Variants in PHF3 observed in about 807,000 individuals in gnomAD.
PHF3 encodes PHD finger protein 3.
A neutral mutation model predicts 178.4 loss-of-function variants in PHF3; 41 were observed. The observed-to-expected ratio is 0.23, with a 90% CI of 0.18 to 0.30. The LOEUF is 0.30. Ranked by LOEUF, PHF3 falls within the 10% of genes least tolerant of loss-of-function variation. The pLI is 1.00. For synonymous variants in PHF3, 842 were observed against 800.5 expected (o/e 1.05, Z -0.88); for missense variants, 2,346 against 2,398.1 (o/e 0.98, Z 0.45).
intron 1 of PHF3, among the ~76,000 whole-genome samples, chr6:63,644,505 T>G (rs1353864821): frequency 1.3e-5 from 2 of 152,198 alleles, no homozygotes; most frequent in Non-Finnish European, 2.9e-5. Context: ...AAGGAACTTG[T>G]CCTGAGTTTT....
Position 63,723,536 on chromosome 6 carries a change from G to T in PHF3, c.*9828G>T, listed in dbSNP as rs1012101383. Among the ~76,000 whole-genome samples the T allele has an allele frequency of 2.6e-5, 4 of 151,972 alleles. No individual in the cohort carries two copies. Among genetic ancestry groups the T allele is most frequent in the African/African-American group, 7.2e-5 (3 of 41,388 alleles). The stretch of plus-strand genomic sequence containing the variant: ...TTAGAATAAAAAATATCTAAGAAAT[G>T]ATTAGGAAAGCTGAAGCTGTGATCT... On this transcript the variant is annotated 3_prime_UTR_variant, in exon 16 of 16. Coordinates refer to ENST00000262043, the MANE Select transcript of PHF3 (RefSeq NM_001370348.2).
chr6:63,649,473 C>T (rs1156637559), intron 2 of PHF3, among the ~76,000 whole-genome samples: 1 of 152,076 alleles, frequency 6.6e-6, no homozygotes, highest in African/African-American at 2.4e-5. Context: ...TATTTTGTAA[C>T]CTTAGTGCTA....
intron 2 of PHF3, among the ~76,000 whole-genome samples, chr6:63,654,690 A>G (rs1330057970): frequency 6.6e-6 from 1 of 152,140 alleles, no homozygotes; most frequent in African/African-American, 2.4e-5. Flanking sequence ...AATAAAAGGG[A>G]AAGACCTAGG....
At chr6:63,643,932 A>G (rs1764678632) in intron 1 of PHF3, among the ~76,000 whole-genome samples, 1 of 152,200 alleles carries the variant, frequency 6.6e-6, no homozygotes, top group Non-Finnish European at 1.5e-5. Context: ...GCTCCTTTAG[A>G]TGACTAGTTA....
rs1360034065 is a variant in PHF3, at chr6:63,712,894, A to G, written c.5306A>G (p.Asn1769Ser). The G allele has an allele frequency of 6.2e-7, 1 of 1,613,926 alleles. No homozygotes were observed. Reference protein sequence around the residue: ...AVATSHFEVGNTCPSEFPSKS... With the variant: ...AVATSHFEVGSTCPSEFPSKS... The stretch of plus-strand genomic sequence containing the variant: ...GCGACATCTCATTTTGAAGTTGGAA[A>G]CACATGTCCATCAGAATTTCCTTCT... Residue 1769 changes from asparagine (N) to serine (S), a missense_variant, in exon 16 of 16, where the codon AAC becomes AGC. Around this residue, in one of 8 missense-constraint regions of PHF3, gnomAD observed 839 missense variants for 806.9 expected, o/e 1.04. Transcript: ENST00000262043.
rs1198384125 is a variant in PHF3, at chr6:63,716,287, A to G, written c.*2579A>G. ...TTCTCTAAAGTCCATGTGCTTAGCA[A>G]TTGTGCTCTGAGAATTGAGAATGAG... On this transcript the variant is annotated 3_prime_UTR_variant, in exon 16 of 16. Coordinates refer to ENST00000262043, the MANE Select transcript of PHF3 (RefSeq NM_001370348.2). 2.6e-5 allele frequency among the ~76,000 whole-genome samples: 4 copies of G among 152,262 alleles called. No individual in the cohort carries two copies. Among genetic ancestry groups the G allele is most frequent in the South Asian group, 2.1e-4 (1 of 4,832 alleles).
At chr6:63,636,241 C>T (rs1298056052) in intron 1 of PHF3, 91 bp downstream of exon 1, 1 of 302,660 alleles carries the variant, frequency 3.3e-6, no homozygotes, top group African/African-American at 2.2e-5. Context: ...GCGGGCCTCT[C>T]CGCCCCTCCC....
In PHF3 at chr6:63,725,966, A is replaced by G. The variant is rs1364110613; in HGVS notation, c.*12258A>G. Among the ~76,000 whole-genome samples the G allele has an allele frequency of 2.6e-5, 4 of 152,176 alleles. No individual in the cohort carries two copies. The highest frequency in any genetic ancestry group is 9.6e-5 in the African/African-American group (4 of 41,464). ...TTTGGAGAAATGAATGAAAATGGAT[A>G]TCAAGGGTAAAGTAAAACCTAAAAA... On this transcript the variant is annotated 3_prime_UTR_variant, in exon 16 of 16. Coordinates refer to ENST00000262043, the MANE Select transcript of PHF3 (RefSeq NM_001370348.2).
chr6:63,709,036 A>C, intron 13 of PHF3, 115 bp from the exon 14 acceptor site: 1 of 550,576 alleles, frequency 1.8e-6, no homozygotes, highest in Non-Finnish European at 3.1e-6. Context: ...CTCTTTATTT[A>C]CTTGTTTTTA....
At chr6:63,696,268 A>G (rs1767224324) in intron 6 of PHF3, among the ~76,000 whole-genome samples, 1 of 152,208 alleles carries the variant, frequency 6.6e-6, no homozygotes, top group African/African-American at 2.4e-5. Context: ...TAGCTACAGG[A>G]GAGTTTGACA....
chr6:63,686,305 TATGAAGGTC>T (rs559468998), intron 4 of PHF3: 24 of 166,890 alleles, frequency 1.4e-4, no homozygotes, highest in Non-Finnish European at 2.8e-4. Flanking sequence ...AGTAATAAAG[TATGAAGGTC>T]ATAATGGAAA....
rs1768143208 is a variant in PHF3, at chr6:63,715,066, A to AG, written c.*1358_*1359insG. ...CCTGTATTAATGAAGAAAAATATAA[A>AG]TAATTCCACAAAATTGATTGTTTTC... On this transcript the variant is annotated 3_prime_UTR_variant, in exon 16 of 16. Transcript: ENST00000262043. The AG allele has an allele frequency of 6.6e-6, 1 of 152,150 alleles. No individual in the cohort carries two copies. Among genetic ancestry groups the AG allele is most frequent in the East Asian group, 1.9e-4 (1 of 5,198 alleles). 9.4% of individuals were successfully genotyped at this position (152,150 alleles called of 1,614,324 possible).
rs114262609 is a variant in PHF3 at position 63,692,818 on chromosome 6, T to G, written c.2496+775T>G. On this transcript the variant is annotated intron_variant, in intron 5 of 15. Coordinates refer to ENST00000262043, the MANE Select transcript of PHF3 (RefSeq NM_001370348.2). ...TACATCTTCATTTTTAAGCATCTAATTGTCAGAAAGTTGATCAGTTTGAGC... is the reference window on the plus strand; with the variant it reads ...TACATCTTCATTTTTAAGCATCTAAGTGTCAGAAAGTTGATCAGTTTGAGC... Among the ~76,000 whole-genome samples, 1,383 of 152,316 alleles carry G rather than the reference T, an allele frequency of 9.1e-3. 19 individuals carry two copies. The highest frequency in any genetic ancestry group is 0.031 in the African/African-American group (1,290 of 41,566).
In PHF3 at chr6:63,684,955, G is replaced by A. The variant is rs779233451; in HGVS notation, c.1233G>A (p.Leu411=). 1 of 1,613,938 alleles carries A rather than the reference G, an allele frequency of 6.2e-7. No individual in the cohort carries two copies. Among genetic ancestry groups the A allele is most frequent in the Admixed American group, 1.7e-5 (1 of 60,030 alleles). ...AAGATGCGGAGTCTAATAGGCAGTTGGAGAGCACTGAGTTTAATAAATCAA... is the reference window on the plus strand; with the variant it reads ...AAGATGCGGAGTCTAATAGGCAGTTAGAGAGCACTGAGTTTAATAAATCAA... ...YCEDAESNRQ[L]ESTEFNKSNL... The change falls in exon 4 of 16, where the codon TTG becomes TTA. Residue 411 remains leucine (L), a synonymous_variant. Transcript: ENST00000262043.
At chr6:63,639,668 A>G (rs944995632) in intron 1 of PHF3, among the ~76,000 whole-genome samples, 6 of 152,152 alleles carry the variant, frequency 3.9e-5, no homozygotes, top group Non-Finnish European at 5.9e-5. Context: ...CAAATTATGT[A>G]ATTATCTAGG....
intron 2 of PHF3, among the ~76,000 whole-genome samples, chr6:63,676,588 C>CT (rs1333354678): frequency 6.6e-6 from 1 of 152,128 alleles, no homozygotes; most frequent in Non-Finnish European, 1.5e-5. Context: ...GCCAGTGTGA[C>CT]TGGAGGAGAG....
At position 63,693,145 on chromosome 6, in the gene PHF3, C is replaced by T. The variant is rs143372188; in HGVS notation, c.2496+1102C>T. On this transcript the variant is annotated intron_variant, in intron 5 of 15. Coordinates refer to ENST00000262043, the MANE Select transcript of PHF3 (RefSeq NM_001370348.2). Reference sequence around the variant, plus strand: ...CATCAAAGTAATTGATAATATGGATCTGAGAGCCACAATGAGAACAGTTTA... The same window carrying T: ...CATCAAAGTAATTGATAATATGGATTTGAGAGCCACAATGAGAACAGTTTA... Among the ~76,000 whole-genome samples the T allele has an allele frequency of 3.9e-3, 587 of 152,234 alleles. 3 individuals carry two copies. Among genetic ancestry groups the T allele is most frequent in the African/African-American group, 0.012 (510 of 41,544 alleles).
intron 2 of PHF3, chr6:63,679,680 T>A: frequency 2.6e-6 from 1 of 379,610 alleles, no homozygotes; most frequent in South Asian, 2.0e-5. Flanking sequence ...ACTTGAGTAC[T>A]CCAGGTATAG....
rs773143334 is a variant in PHF3, at chr6:63,706,100, C to T, written c.3439C>T (p.His1147Tyr). 2 of 1,613,942 alleles carry T rather than the reference C, an allele frequency of 1.2e-6. No homozygotes were observed. Among genetic ancestry groups the T allele is most frequent in the South Asian group, 1.1e-5 (1 of 91,072 alleles). Residue 1147 changes from histidine (H) to tyrosine (Y), a missense_variant, in exon 12 of 16, where the codon CAT becomes TAT. Coordinates refer to ENST00000262043, the MANE Select transcript of PHF3 (RefSeq NM_001370348.2). ...VKVVVGVARK[H>Y]SDNEAESIAD... Reference sequence around the variant, plus strand: ...AGTTGTTGTAGGAGTAGCTCGCAAACATTCAGACAATGAAGCAGAAAGTAT... The same window carrying T: ...AGTTGTTGTAGGAGTAGCTCGCAAATATTCAGACAATGAAGCAGAAAGTAT...
Sources: gnomAD v4.1 joint callset for allele counts (sites outside exome capture counted in the v4.1 genomes callset) on GRCh38, gnomAD v4.1.1 for gene constraint, gnomAD v4.1.1 regional missense constraint, MANE v1.5 for transcripts, NCBI Gene and HGNC (gene_info 2026-07-23, HGNC 2026-07-21) for gene names.